Variants in ATP10B observed in about 807,000 individuals in gnomAD.
ATP10B encodes the protein ATPase phospholipid transporting 10B (putative), also known as phospholipid-transporting ATPase VB.
In ATP10B, 122 loss-of-function variants were observed where a neutral mutation model predicts 141.2. That is an observed-to-expected ratio of 0.86 (90% CI 0.75 to 1.00). The LOEUF is 1.00. Ranked by LOEUF, ATP10B falls within the 50% of genes least tolerant of loss-of-function variation. The pLI, the probability that ATP10B is intolerant of heterozygous loss-of-function variation, is 0.00. For missense variants in ATP10B, 1,876 were observed against 1,825.3 expected (o/e 1.03, Z -0.51); for synonymous variants, 685 against 692.0 (o/e 0.99, Z 0.16).
At chr5:160,785,403 G>A (rs1691379018) in intron 2 of ATP10B, among the ~76,000 whole-genome samples, 156 bp downstream of exon 2, 2 of 152,032 alleles carry the variant, frequency 1.3e-5, no homozygotes, top group African/African-American at 4.8e-5. Context: ...TGGGTTGGAG[G>A]AAGAGATAGC....
chr5:160,696,587 G>T (rs1198051582), intron 3 of ATP10B, among the ~76,000 whole-genome samples: 7 of 151,986 alleles, frequency 4.6e-5, no homozygotes, highest in Admixed American at 4.6e-4. Context: ...TTGCTGTTCT[G>T]GGAACCAGGT....
chr5:160,727,721 G>T (rs1297204874), intron 2 of ATP10B, among the ~76,000 whole-genome samples: 4 of 151,976 alleles, frequency 2.6e-5, no homozygotes, highest in African/African-American at 9.7e-5. Flanking sequence ...AAAATCTCAG[G>T]ATCCCAAAGT....
chr5:160,834,855 A>T (rs998355716), intron 1 of ATP10B, among the ~76,000 whole-genome samples: 18 of 152,156 alleles, frequency 1.2e-4, no homozygotes, highest in African/African-American at 4.3e-4. Context: ...GGTATCTTCA[A>T]TTCTCCTTAA....
At chr5:160,652,430 CTTAT>C (rs70990738) in intron 7 of ATP10B, among the ~76,000 whole-genome samples, 12,278 of 129,494 alleles carry the variant, frequency 0.095, 875 homozygotes, top group East Asian at 0.26. Flanking sequence ...TGTCAGGGTT[CTTAT>C]TTATTTATTT....
intron 1 of ATP10B, among the ~76,000 whole-genome samples, chr5:160,814,677 T>C (rs1773459770): frequency 6.6e-6 from 1 of 151,854 alleles, no homozygotes; most frequent in Admixed American, 6.6e-5. Context: ...CCAAGACACA[T>C]AATTGTCAGA....
At chr5:160,900,799 T>TG in the ATP10B span, among the ~76,000 whole-genome samples, 1 of 110,396 alleles carries the variant, frequency 9.1e-6, no homozygotes, top group Non-Finnish European at 2.2e-5. Flanking sequence ...TACATTTTTT[T>TG]TTTATTTGTG....
chr5:160,704,848 T>C (rs1479564087), intron 3 of ATP10B, among the ~76,000 whole-genome samples: 4 of 151,536 alleles, frequency 2.6e-5, no homozygotes, highest in Non-Finnish European at 5.9e-5. Flanking sequence ...TTTTATATTA[T>C]GGAGATGGCT....
At chr5:160,586,706 T>C (rs375625269) in intron 24 of ATP10B, among the ~76,000 whole-genome samples, 18 of 152,362 alleles carry the variant, frequency 1.2e-4, no homozygotes, top group East Asian at 9.6e-4. Context: ...GGTTTTGATT[T>C]GCATTTCTCT....
Position 160,622,597 on chromosome 5 carries a change from A to G in ATP10B, c.1621-12T>C. On this transcript the variant is annotated splice_polypyrimidine_tract_variant and intron_variant, in intron 13 of 25. Coordinates refer to ENST00000327245, the MANE Select transcript of ATP10B (RefSeq NM_025153.3). ...GTTACATCTTTTTCCTGGAAGAGAA[A>G]GGCCAGAATGAGAGTCTTTTCTGGG... The G allele has an allele frequency of 6.2e-7, 1 of 1,607,280 alleles. No individual in the cohort carries two copies. Among genetic ancestry groups the G allele is most frequent in the Non-Finnish European group, 8.5e-7 (1 of 1,176,522 alleles).
chr5:160,622,891 A>G (rs991395270), intron 13 of ATP10B, among the ~76,000 whole-genome samples: 2 of 151,964 alleles, frequency 1.3e-5, no homozygotes, highest in Non-Finnish European at 2.9e-5. Context: ...ACCAGCCTCT[A>G]AACTAATACT....
chr5:160,725,167 A>G (rs535116339), intron 2 of ATP10B, among the ~76,000 whole-genome samples: 7 of 152,358 alleles, frequency 4.6e-5, no homozygotes, highest in African/African-American at 1.4e-4. Flanking sequence ...CAGGAGAAAG[A>G]ATGACTGCAA....
At chr5:160,766,337 A>AACAC (rs58890049) in intron 2 of ATP10B, among the ~76,000 whole-genome samples, 13,194 of 140,166 alleles carry the variant, frequency 0.094, 695 homozygotes, top group Middle Eastern at 0.11. Flanking sequence ...GGATAAAGAG[A>AACAC]ACACACACAC....
At chr5:160,630,376 C>T (rs566291793) in intron 13 of ATP10B, among the ~76,000 whole-genome samples, 2 of 152,286 alleles carry the variant, frequency 1.3e-5, no homozygotes, top group South Asian at 2.1e-4. Flanking sequence ...ACCAGGGATG[C>T]AGTTTTTCTG....
At chr5:160,755,759 G>A (rs1214797044) in intron 2 of ATP10B, among the ~76,000 whole-genome samples, 3 of 138,736 alleles carry the variant, frequency 2.2e-5, no homozygotes, top group African/African-American at 5.3e-5. Context: ...AGCTTGCAGT[G>A]AGCCGACATC....
At chr5:160,905,797 G>A in the ATP10B span, among the ~76,000 whole-genome samples, 1 of 152,106 alleles carries the variant, frequency 6.6e-6, no homozygotes, top group East Asian at 1.9e-4. Flanking sequence ...GCTATTAAAT[G>A]CATGATAAAC....
intron 2 of ATP10B, among the ~76,000 whole-genome samples, chr5:160,776,326 T>C (rs1226564339): frequency 1.3e-5 from 2 of 152,222 alleles, no homozygotes; most frequent in African/African-American, 4.8e-5. Context: ...ATTTACCTTC[T>C]TGGATTCTGA....
At chr5:160,862,684 C>A in the ATP10B span, among the ~76,000 whole-genome samples, 2 of 151,978 alleles carry the variant, frequency 1.3e-5, no homozygotes, top group Non-Finnish European at 2.9e-5. Flanking sequence ...CCAAATGGTA[C>A]AATCCATCAG....
the ATP10B span, among the ~76,000 whole-genome samples, chr5:160,917,661 G>A: frequency 9.3e-4 from 142 of 152,240 alleles, no homozygotes; most frequent in Non-Finnish European, 1.7e-3. Flanking sequence ...TTGGATAGGG[G>A]AGGAAGATAA....
intron 11 of ATP10B, among the ~76,000 whole-genome samples, chr5:160,635,128 G>A (rs1429390500): frequency 6.7e-6 from 1 of 148,746 alleles, no homozygotes; most frequent in Non-Finnish European, 1.5e-5. Flanking sequence ...GTGGTGGTAA[G>A]TTGCATGAGG....
Sources: allele counts gnomAD v4.1 joint callset (sites outside exome capture counted in the v4.1 genomes callset), GRCh38; gene constraint gnomAD v4.1.1; transcripts MANE v1.5; gene names NCBI Gene and HGNC (gene_info 2026-07-23, HGNC 2026-07-21).